FAAH2: variants seen among roughly 807,000 people sequenced by gnomAD.
FAAH2 encodes the protein fatty acid amide hydrolase 2.
In FAAH2, 60 loss-of-function variants were observed where a neutral mutation model predicts 36.9. That is an observed-to-expected ratio of 1.63 (90% CI 1.32 to 2.02). The LOEUF is 2.02. Among genes scored for constraint, FAAH2 ranks in the 30% most tolerant of loss-of-function variants. The pLI is 0.00. For missense variants in FAAH2, 689 were observed against 397.5 expected (o/e 1.73, Z -6.23); for synonymous variants, 214 against 143.8 (o/e 1.49, Z -3.49).
the FAAH2 span, among the ~76,000 whole-genome samples, chrX:57,230,818 G>T: frequency 1.8e-5 from 2 of 111,032 alleles, no homozygotes; most frequent in Admixed American, 9.6e-5. Context: ...CACATACTAA[G>T]CATAATTATT....
the FAAH2 span, among the ~76,000 whole-genome samples, chrX:57,144,804 G>C: frequency 9.1e-6 from 1 of 110,462 alleles, no homozygotes; most frequent in Non-Finnish European, 1.9e-5. Flanking sequence ...ACTTCACTTA[G>C]AATGATAGTC....
chrX:57,151,544 G>C, the FAAH2 span, among the ~76,000 whole-genome samples: 1 of 111,620 alleles, frequency 9.0e-6, no homozygotes, highest in African/African-American at 3.3e-5. Flanking sequence ...TTCTTCCAGT[G>C]ATCGCATCGG....
intron 7 of FAAH2, among the ~76,000 whole-genome samples, chrX:57,425,913 G>A (rs1012356156): frequency 5.4e-5 from 6 of 112,062 alleles, no homozygotes; most frequent in African/African-American, 1.6e-4. Context: ...CAGAATAGAT[G>A]TTAAAAACAT....
chrX:57,210,836 C>T, the FAAH2 span, among the ~76,000 whole-genome samples: 31 of 112,471 alleles, frequency 2.8e-4, no homozygotes, highest in East Asian at 1.1e-3. Flanking sequence ...GATATAATTA[C>T]CTATGTAGAA....
At chrX:57,192,662 G>T in the FAAH2 span, among the ~76,000 whole-genome samples, 6 of 111,760 alleles carry the variant, frequency 5.4e-5, no homozygotes, top group African/African-American at 1.3e-4. Flanking sequence ...ATTTGTTACA[G>T]GAAGTCAGGG....
At chrX:57,391,943 A>C (rs1325208669) in intron 7 of FAAH2, among the ~76,000 whole-genome samples, 3 of 110,591 alleles carry the variant, frequency 2.7e-5, no homozygotes, top group Non-Finnish European at 5.7e-5. Flanking sequence ...CTTCCAGTCC[A>C]TGAGCATAAG....
chrX:57,277,755 C>T, the FAAH2 span, among the ~76,000 whole-genome samples: 3 of 111,704 alleles, frequency 2.7e-5, no homozygotes, highest in African/African-American at 9.8e-5. Flanking sequence ...GTGTAAAAAT[C>T]ACAAGCATTC....
At chrX:57,160,744 C>T in the FAAH2 span, among the ~76,000 whole-genome samples, 5 of 111,384 alleles carry the variant, frequency 4.5e-5, no homozygotes, top group Non-Finnish European at 9.4e-5. Context: ...AATAGTCTTG[C>T]TTCTCTCTTT....
chrX:57,214,196 G>A, the FAAH2 span, among the ~76,000 whole-genome samples: 2 of 111,869 alleles, frequency 1.8e-5, no homozygotes, highest in East Asian at 5.6e-4. Flanking sequence ...TTCTTTAGCA[G>A]TAGGTTTGTT....
chrX:57,292,969 G>C (rs2052028651), intron 2 of FAAH2, among the ~76,000 whole-genome samples: 1 of 111,720 alleles, frequency 9.0e-6, no homozygotes, highest in Non-Finnish European at 1.9e-5. Context: ...TAGCATAGTA[G>C]ATAGTATTTT....
the FAAH2 span, among the ~76,000 whole-genome samples, chrX:57,159,044 A>C: frequency 1.8e-5 from 2 of 112,427 alleles, no homozygotes; most frequent in African/African-American, 3.2e-5. Context: ...ATCCAGTTTC[A>C]GCTTTCTACA....
At chrX:57,231,034 A>AGTGTGTGTGTGTGTGT in the FAAH2 span, among the ~76,000 whole-genome samples, 1,451 of 94,416 alleles carry the variant, frequency 0.015, 21 homozygotes, top group Middle Eastern at 0.044. Flanking sequence ...CTCCAAAGGA[A>AGTGTGTGTGTGTGTGT]GTGTGTGTGT....
chrX:57,353,821 A>T (rs896829501), intron 5 of FAAH2, among the ~76,000 whole-genome samples: 8 of 111,310 alleles, frequency 7.2e-5, no homozygotes, highest in Non-Finnish European at 1.3e-4. Flanking sequence ...TAAAAGATAT[A>T]CAAATGGCCA....
chrX:57,123,461 G>A, the FAAH2 span, among the ~76,000 whole-genome samples: 3 of 112,181 alleles, frequency 2.7e-5, no homozygotes, highest in Middle Eastern at 4.6e-3. Context: ...CGCAATAAAC[G>A]TATGTGTGCA....
intron 7 of FAAH2, among the ~76,000 whole-genome samples, chrX:57,419,290 C>T (rs2055939170): frequency 9.0e-6 from 1 of 110,619 alleles, no homozygotes; most frequent in Non-Finnish European, 1.9e-5. Context: ...GAGGAATCAC[C>T]ACACTGACTT....
the FAAH2 span, among the ~76,000 whole-genome samples, chrX:57,234,205 G>GT: frequency 9.0e-6 from 1 of 111,479 alleles, no homozygotes; most frequent in Non-Finnish European, 1.9e-5. Context: ...AGAGTTTTCT[G>GT]TTTTTCTGAC....
At chrX:57,121,908 G>T in the FAAH2 span, 2 of 93,273 alleles carry the variant, frequency 2.1e-5, no homozygotes, top group Non-Finnish European at 4.1e-5. Context: ...TTCTTTACAC[G>T]TAAATATGTC....
At chrX:57,385,280 A>T (rs1602489069) in intron 7 of FAAH2, among the ~76,000 whole-genome samples, 1 of 6,712 alleles carries the variant, frequency 1.5e-4, no homozygotes, top group Non-Finnish European at 1.6e-3. Flanking sequence ...AAAGTATAAT[A>T]AAAAAAAAAA....
At chrX:57,197,938 G>T in the FAAH2 span, among the ~76,000 whole-genome samples, 1 of 112,137 alleles carries the variant, frequency 8.9e-6, no homozygotes, top group African/African-American at 3.2e-5. Flanking sequence ...TTTAGCTGTT[G>T]TTTTCTTTGT....
Sources: gnomAD v4.1 joint callset for allele counts (sites outside exome capture counted in the v4.1 genomes callset) on GRCh38, gnomAD v4.1.1 for gene constraint, MANE v1.5 for transcripts, NCBI Gene and HGNC (gene_info 2026-07-23, HGNC 2026-07-21) for gene names.